The following CCDC141 variants were observed in gnomAD, a reference collection of about 807,000 sequenced individuals.
CCDC141 encodes the protein coiled-coil domain-containing protein 141.
In CCDC141, 168 loss-of-function variants were observed where a neutral mutation model predicts 181.0. That is an observed-to-expected ratio of 0.93 (90% confidence interval 0.82 to 1.05). The LOEUF (loss-of-function observed/expected upper bound fraction) is 1.05. Among genes scored for constraint, CCDC141 ranks in the 50% least tolerant of loss-of-function variants. CCDC141 has a pLI of 0.00. For synonymous variants in CCDC141, 666 were observed against 642.3 expected (o/e 1.04, Z -0.56); for missense variants, 1,902 against 1,788.5 (o/e 1.06, Z -1.14).
At chr2:179,023,467 T>G (rs1176815642) in intron 2 of CCDC141, among the ~76,000 whole-genome samples, 1 of 152,216 alleles carries the variant, frequency 6.6e-6, no homozygotes, top group African/African-American at 2.4e-5. Context: ...TTTTAAATAT[T>G]AAACAGATTA....
At chr2:178,982,103 G>A (rs961438858) in intron 2 of CCDC141, among the ~76,000 whole-genome samples, 8 of 151,924 alleles carry the variant, frequency 5.3e-5, no homozygotes, top group African/African-American at 1.9e-4. Flanking sequence ...AGAAAAAATA[G>A]GTAATCTGAA....
At chr2:179,010,831 C>G (rs1017204677) in intron 2 of CCDC141, among the ~76,000 whole-genome samples, 2 of 152,110 alleles carry the variant, frequency 1.3e-5, no homozygotes, top group African/African-American at 4.8e-5. Context: ...TCAATAATAA[C>G]ATTGAATGTA....
intron 8 of CCDC141, among the ~76,000 whole-genome samples, chr2:178,892,443 C>T (rs2154371363): frequency 6.6e-6 from 1 of 152,200 alleles, no homozygotes; most frequent in South Asian, 2.1e-4. Flanking sequence ...GGGCAGTAAC[C>T]AGTTCCTTTT....
At chr2:178,932,617 T>C (rs1319658765) in intron 6 of CCDC141, among the ~76,000 whole-genome samples, 1 of 152,216 alleles carries the variant, frequency 6.6e-6, no homozygotes, top group Non-Finnish European at 1.5e-5. Flanking sequence ...TACACACATA[T>C]AGTGTATATG....
At chr2:178,909,239 CAAAGAT>C (rs68133745) in intron 7 of CCDC141, among the ~76,000 whole-genome samples, 21,206 of 152,098 alleles carry the variant, frequency 0.14, 1,569 homozygotes, top group African/African-American at 0.2. Flanking sequence ...ATATCAAGGA[CAAAGAT>C]AGCCCATAAT....
intron 2 of CCDC141, among the ~76,000 whole-genome samples, chr2:179,001,349 G>A (rs2041969411): frequency 6.6e-6 from 1 of 152,118 alleles, no homozygotes. Flanking sequence ...TGTAGTCTTG[G>A]GAGTATCACC....
At chr2:178,828,735 C>T (rs368368299), downstream of CCDC141, among the ~76,000 whole-genome samples, 4 of 152,262 alleles carry the variant, frequency 2.6e-5, no homozygotes, top group South Asian at 8.3e-4. Context: ...GTGCATAATA[C>T]TTATTACAAA....
intron 22 of CCDC141, among the ~76,000 whole-genome samples, chr2:178,839,829 C>T (rs1684649446): frequency 6.6e-6 from 1 of 152,096 alleles, no homozygotes. Context: ...TTTTGGCTGT[C>T]GTGCCACAGC....
intron 8 of CCDC141, among the ~76,000 whole-genome samples, chr2:178,892,070 TA>T (rs1480051760): frequency 2.0e-5 from 3 of 152,188 alleles, no homozygotes; most frequent in African/African-American, 7.2e-5. Flanking sequence ...TGAAATGTCG[TA>T]GTAACAGTGT....
chr2:178,847,388 G>A (rs1684984310), intron 21 of CCDC141, among the ~76,000 whole-genome samples: 1 of 152,078 alleles, frequency 6.6e-6, no homozygotes, highest in South Asian at 2.1e-4. Flanking sequence ...AACATTAGCC[G>A]AGTGTGGTGG....
At chr2:179,045,183 C>A (rs926480364) in intron 2 of CCDC141, among the ~76,000 whole-genome samples, 1 of 142,134 alleles carries the variant, frequency 7.0e-6, no homozygotes, top group Non-Finnish European at 1.5e-5. Context: ...CCACAACAGT[C>A]CCCAGAGTGT....
At chr2:178,996,738 G>A (rs980925098) in intron 2 of CCDC141, among the ~76,000 whole-genome samples, 3 of 152,158 alleles carry the variant, frequency 2.0e-5, no homozygotes, top group Non-Finnish European at 4.4e-5. Flanking sequence ...ACAGCAAAAT[G>A]TTCTATTCAT....
At chr2:178,929,864 C>T (rs1689034393) in intron 6 of CCDC141, among the ~76,000 whole-genome samples, 1 of 152,014 alleles carries the variant, frequency 6.6e-6, no homozygotes, top group Non-Finnish European at 1.5e-5. Flanking sequence ...ACTAAGGCCC[C>T]ACTCTAAAGC....
chr2:178,820,088 T>C, the CCDC141 span, among the ~76,000 whole-genome samples: 1 of 152,244 alleles, frequency 6.6e-6, no homozygotes, highest in African/African-American at 2.4e-5. Context: ...AGCCATCATT[T>C]CCTGCAGTTT....
chr2:179,004,095 T>C (rs1301435978), intron 2 of CCDC141, among the ~76,000 whole-genome samples: 1 of 152,180 alleles, frequency 6.6e-6, no homozygotes, highest in East Asian at 1.9e-4. Context: ...TGGGGCTTCA[T>C]AGTAAATACA....
chr2:178,904,536 G>A (rs1280323693), intron 8 of CCDC141, among the ~76,000 whole-genome samples: 2 of 152,128 alleles, frequency 1.3e-5, no homozygotes, highest in Non-Finnish European at 2.9e-5. Flanking sequence ...AGGTTTCAAG[G>A]AGATTGTAGA....
intron 22 of CCDC141, among the ~76,000 whole-genome samples, chr2:178,843,799 A>G (rs890672428): frequency 6.6e-5 from 10 of 152,188 alleles, no homozygotes; most frequent in Admixed American, 5.9e-4. Flanking sequence ...TCTGATCTAC[A>G]TATAAATAAT....
Position 178,982,971 on chromosome 2 carries a change from A to C in CCDC141, c.226-4296T>G, listed in dbSNP as rs1387211810. Among the ~76,000 whole-genome samples, 5 of 152,216 alleles carry C rather than the reference A, an allele frequency of 3.3e-5. No homozygotes were observed. The East Asian group carries it at 9.6e-4, about 29-fold the overall frequency. On this transcript the variant is annotated intron_variant, in intron 2 of 23. Transcript: ENST00000443758. ...ACTGGATGGAGCCCACCACAGCTCA[A>C]GGAGGCCTGCCTGCCTCTGTAGGCT...
At chr2:179,027,620 G>A (rs2042885536) in intron 2 of CCDC141, among the ~76,000 whole-genome samples, 1 of 122,134 alleles carries the variant, frequency 8.2e-6, no homozygotes, top group African/African-American at 3.1e-5. Context: ...ACTCCAGCCT[G>A]GGCAACAGAG....
Sources: allele counts gnomAD v4.1 joint callset (sites outside exome capture counted in the v4.1 genomes callset), GRCh38; gene constraint gnomAD v4.1.1; transcripts MANE v1.5; gene names NCBI Gene and HGNC (gene_info 2026-07-23, HGNC 2026-07-21).